The following PRKAR2B variants were observed in gnomAD, a reference collection of about 807,000 sequenced individuals.
PRKAR2B encodes protein kinase cAMP-dependent type II regulatory subunit beta.
Under a neutral mutation model 49.9 loss-of-function variants are expected in PRKAR2B, and 14 were observed. That is an observed-to-expected ratio of 0.28 (90% confidence interval 0.19 to 0.44). The LOEUF (loss-of-function observed/expected upper bound fraction) is 0.44, where lower values mean the gene tolerates loss of function less well. Among genes scored for constraint, PRKAR2B ranks in the 20% least tolerant of loss-of-function variants. PRKAR2B has a pLI of 1.00. For missense variants in PRKAR2B, 393 were observed against 537.9 expected, an observed-to-expected ratio of 0.73 and a Z score of 2.67; for synonymous variants, 196 against 197.7, an observed-to-expected ratio of 0.99 and a Z score of 0.07.
intron 2 of PRKAR2B, among the ~76,000 whole-genome samples, chr7:107,071,994 G>A (rs1322166545): frequency 3.3e-5 from 5 of 151,570 alleles, no homozygotes; most frequent in Non-Finnish European, 5.9e-5. Context: ...GCGTGAACCC[G>A]GAAGGCGGAG....
intron 3 of PRKAR2B, among the ~76,000 whole-genome samples, chr7:107,127,466 C>A (rs574144674): frequency 6.6e-6 from 1 of 151,234 alleles, no homozygotes; most frequent in Non-Finnish European, 1.5e-5. Context: ...GCAAGCCACA[C>A]TTACACACAC....
chr7:107,059,775 A>G (rs1035608505), intron 1 of PRKAR2B, among the ~76,000 whole-genome samples: 7 of 151,888 alleles, frequency 4.6e-5, no homozygotes, highest in Admixed American at 1.3e-4. Context: ...TGGTCTGGAT[A>G]CCTCTGGGGG....
intron 7 of PRKAR2B, 55 bp from the exon 8 acceptor site, chr7:107,153,122 A>G (rs938882211): frequency 3.6e-6 from 5 of 1,400,508 alleles, no homozygotes; most frequent in Admixed American, 3.7e-5. Flanking sequence ...CCCGAACTAG[A>G]TAAGCTTACC....
chr7:107,047,791 G>T (rs183026532), intron 1 of PRKAR2B, among the ~76,000 whole-genome samples: 6 of 152,290 alleles, frequency 3.9e-5, no homozygotes, highest in African/African-American at 1.4e-4. Context: ...ATTCAGAAAT[G>T]ACCATTACCC....
At chr7:107,135,544 A>G (rs1348534079) in intron 4 of PRKAR2B, among the ~76,000 whole-genome samples, 1 of 152,190 alleles carries the variant, frequency 6.6e-6, no homozygotes, top group African/African-American at 2.4e-5. Flanking sequence ...CAAGGTTAAT[A>G]TACAAAAGTT....
chr7:107,044,897 C>T lies in PRKAR2B; in HGVS notation c.-11C>T, dbSNP rs200458097. On this transcript the variant is annotated 5_prime_UTR_variant, in exon 1 of 11. Transcript: ENST00000265717. ...GGGCGGCGCCCAGGCGCCTGCCGCC[C>T]CGGAGGCAGGATGAGCATCGAGATC... is the stretch of plus-strand genomic sequence containing the variant. 1.9e-6 allele frequency: 3 copies of T among 1,586,072 alleles called. No individual in the cohort carries two copies.
intron 2 of PRKAR2B, among the ~76,000 whole-genome samples, chr7:107,085,613 G>A (rs1794604491): frequency 6.6e-6 from 1 of 152,102 alleles, no homozygotes; most frequent in African/African-American, 2.4e-5. Flanking sequence ...AGTTTGTTGT[G>A]TATTTCCTTG....
At chr7:107,101,485 C>T (rs143983508) in intron 2 of PRKAR2B, among the ~76,000 whole-genome samples, 39 of 152,348 alleles carry the variant, frequency 2.6e-4, no homozygotes, top group Admixed American at 3.9e-4. Flanking sequence ...CCAGTTTCTC[C>T]GTCCTACCCA....
chr7:107,096,054 T>A (rs944006091), intron 2 of PRKAR2B, among the ~76,000 whole-genome samples: 1 of 152,140 alleles, frequency 6.6e-6, no homozygotes, highest in Non-Finnish European at 1.5e-5. Flanking sequence ...TGTTCTATTG[T>A]TTGGAATAGT....
In PRKAR2B at chr7:107,088,558, T is replaced by C. The variant is rs187361735; in HGVS notation, c.343+18242T>C. 2.6e-5 allele frequency among the ~76,000 whole-genome samples: 4 copies of C among 152,312 alleles called. No homozygotes were observed. The East Asian group carries it at 7.7e-4, about 29-fold the overall frequency. ...AATATATCAATCTATTTTTTGAGAT[T>C]TACTCCTCATGTGATTCTCATACAG... On this transcript the variant is annotated intron_variant, in intron 2 of 10. Transcript: ENST00000265717.
At chr7:107,082,588 A>G (rs1263871318) in intron 2 of PRKAR2B, among the ~76,000 whole-genome samples, 1 of 151,862 alleles carries the variant, frequency 6.6e-6, no homozygotes, top group Non-Finnish European at 1.5e-5. Flanking sequence ...TAGTTAAATT[A>G]TTTTTATTTT....
chr7:107,151,451 T>C (rs1177610833), intron 7 of PRKAR2B, among the ~76,000 whole-genome samples: 4 of 152,248 alleles, frequency 2.6e-5, no homozygotes, highest in African/African-American at 9.6e-5. Flanking sequence ...GCCTCTGTCC[T>C]TGGCCTCTTC....
At chr7:107,134,817 A>G (rs149719237) in intron 4 of PRKAR2B, among the ~76,000 whole-genome samples, 1,891 of 152,328 alleles carry the variant, frequency 0.012, 26 homozygotes, top group Middle Eastern at 0.02. Flanking sequence ...ACTCCTTTGC[A>G]TATACAAGAA....
intron 1 of PRKAR2B, among the ~76,000 whole-genome samples, chr7:107,047,418 G>T (rs1793718928): frequency 6.6e-6 from 1 of 151,696 alleles, no homozygotes; most frequent in Admixed American, 6.6e-5. Flanking sequence ...GGCAACATGT[G>T]GTCTTGATCA....
chr7:107,098,704 G>A (rs1794899649), intron 2 of PRKAR2B, among the ~76,000 whole-genome samples: 1 of 152,040 alleles, frequency 6.6e-6, no homozygotes, highest in African/African-American at 2.4e-5. Flanking sequence ...TGGTGTGGAT[G>A]TCCTTTCTGT....
chr7:107,131,927 A>G (rs1157379121), intron 4 of PRKAR2B, among the ~76,000 whole-genome samples: 1 of 152,186 alleles, frequency 6.6e-6, no homozygotes. Flanking sequence ...TTTCTTGACT[A>G]CTATGTTTCA....
At chr7:107,108,082 C>T (rs1243517978) in intron 2 of PRKAR2B, among the ~76,000 whole-genome samples, 1 of 152,130 alleles carries the variant, frequency 6.6e-6, no homozygotes, top group East Asian at 1.9e-4. Context: ...CAAAGACCAA[C>T]AACCCTAACA....
intron 3 of PRKAR2B, among the ~76,000 whole-genome samples, chr7:107,123,022 G>GT (rs1262181778): frequency 6.6e-6 from 1 of 152,098 alleles, no homozygotes; most frequent in Non-Finnish European, 1.5e-5. Context: ...TTACCCCTCT[G>GT]TATAGTCTGA....
chr7:107,094,673 T>C (rs1315243191), intron 2 of PRKAR2B, among the ~76,000 whole-genome samples: 1 of 152,224 alleles, frequency 6.6e-6, no homozygotes, highest in Non-Finnish European at 1.5e-5. Context: ...CCATCTTGAA[T>C]TAATTTTTGT....
Sources: gnomAD v4.1 joint callset for allele counts (sites outside exome capture counted in the v4.1 genomes callset) on GRCh38, gnomAD v4.1.1 for gene constraint, MANE v1.5 for transcripts, NCBI Gene and HGNC (gene_info 2026-07-23, HGNC 2026-07-21) for gene names.